Variants in STX17 observed in about 807,000 individuals in gnomAD.
STX17 encodes the protein syntaxin 17, also known as syntaxin-17.
STX17 carries 29 observed loss-of-function variants against 35.9 expected under a neutral mutation model. The ratio of observed to expected loss-of-function variants is 0.81; its 90% CI spans 0.60 to 1.10. The LOEUF is 1.10. Ranked by LOEUF, STX17 falls within the 50% of genes least tolerant of loss-of-function variation. The pLI, the probability that STX17 is intolerant of heterozygous loss-of-function variation, is 0.00. For synonymous variants in STX17, 92 were observed against 118.3 expected (o/e 0.78, Z 1.44); for missense variants, 312 against 352.3 (o/e 0.89, Z 0.92).
At chr9:99,957,850 G>A (rs1361505840) in intron 4 of STX17, among the ~76,000 whole-genome samples, 2 of 151,450 alleles carry the variant, frequency 1.3e-5, no homozygotes, top group Non-Finnish European at 2.9e-5. Flanking sequence ...ATGGGGTTTC[G>A]CCGTGTTGCC....
intron 2 of STX17, among the ~76,000 whole-genome samples, chr9:99,921,626 A>G (rs1828890492): frequency 6.6e-6 from 1 of 150,994 alleles, no homozygotes; most frequent in African/African-American, 2.4e-5. Context: ...ATTATCTAGT[A>G]TGGAATTTTC....
rs1285149066 is a variant in STX17, at chr9:99,959,912, T to C, written c.416-5T>C. On this transcript the variant is annotated splice_polypyrimidine_tract_variant and splice_region_variant and intron_variant, in intron 4 of 7. Coordinates refer to ENST00000259400, the MANE Select transcript of STX17 (RefSeq NM_017919.3). ...TCTAAACATGGGGTTATTATGTTCA[T>C]CCAGGAGCATTTCATACTACTGAAG... 1.2e-6 allele frequency: 2 copies of C among 1,600,724 alleles called. No individual in the cohort carries two copies. Among genetic ancestry groups the C allele is most frequent in the East Asian group, 4.5e-5 (2 of 44,782 alleles).
chr9:99,932,769 CAT>C (rs952290303), intron 3 of STX17, among the ~76,000 whole-genome samples: 1 of 152,072 alleles, frequency 6.6e-6, no homozygotes, highest in African/African-American at 2.4e-5. Flanking sequence ...GAGTTTTACT[CAT>C]ATCTGCTCTG....
chr9:99,920,989 GGTA>G (rs1467978876), intron 2 of STX17, among the ~76,000 whole-genome samples: 2 of 152,088 alleles, frequency 1.3e-5, no homozygotes, highest in Non-Finnish European at 2.9e-5. Context: ...TAACAGTGGA[GGTA>G]GTAGTTGTTT....
At chr9:99,919,475 T>C (rs1018618951) in intron 2 of STX17, among the ~76,000 whole-genome samples, 8 of 152,226 alleles carry the variant, frequency 5.3e-5, no homozygotes, top group African/African-American at 1.9e-4. Context: ...ATTTTAGCTT[T>C]CTTTGGTTTG....
intron 2 of STX17, among the ~76,000 whole-genome samples, chr9:99,916,518 A>G (rs186289435): frequency 1.3e-5 from 2 of 151,614 alleles, no homozygotes; most frequent in Non-Finnish European, 2.9e-5. Flanking sequence ...CAATATAAAC[A>G]TTATTCATTA....
chr9:99,969,264 ATCT>A lies in STX17; in HGVS notation c.*595_*597del, dbSNP rs1408305282. On this transcript the variant is annotated 3_prime_UTR_variant, in exon 8 of 8. Coordinates refer to ENST00000259400, the MANE Select transcript of STX17 (RefSeq NM_017919.3). ...AAGAGGCTCAACTTCTCTTCCAAAA[ATCT>A]TCTGGCTTCTGAACTCTTCCTCTGC... 2.0e-5 allele frequency: 3 copies of A among 152,296 alleles called. No homozygotes were observed. Among genetic ancestry groups the A allele is most frequent in the East Asian group, 1.9e-4 (1 of 5,178 alleles). The allele number at this position is 152,296 out of a possible 1,614,324, so 9.4% of individuals were successfully genotyped here.
At chr9:99,923,119 C>G (rs1002745007) in intron 2 of STX17, among the ~76,000 whole-genome samples, 1 of 151,612 alleles carries the variant, frequency 6.6e-6, no homozygotes, top group South Asian at 2.1e-4. Flanking sequence ...CCTTTCCTCT[C>G]TTTTTTTTCT....
chr9:99,962,130 C>T (rs1289810402), intron 6 of STX17, among the ~76,000 whole-genome samples: 1 of 152,190 alleles, frequency 6.6e-6, no homozygotes, highest in Non-Finnish European at 1.5e-5. Context: ...AATTTCTAGG[C>T]TTCTCAATAC....
In STX17 at chr9:99,926,013, A is replaced by G. The variant is rs995042060; in HGVS notation, c.124-2765A>G. 4.1e-4 allele frequency among the ~76,000 whole-genome samples: 62 copies of G among 150,720 alleles called. 1 individual carries two copies. Among genetic ancestry groups the G allele is most frequent in the African/African-American group, 1.5e-3 (60 of 41,164 alleles). The stretch of plus-strand genomic sequence containing the variant: ...ATTGATCTTGGTTAATTTATTTTCA[A>G]CTTATTTTTCTCTGTGTGTTTCATT... On this transcript the variant is annotated intron_variant, in intron 2 of 7. Coordinates refer to ENST00000259400, the MANE Select transcript of STX17 (RefSeq NM_017919.3).
intron 3 of STX17, among the ~76,000 whole-genome samples, chr9:99,939,542 G>T (rs1829307366): frequency 6.6e-6 from 1 of 152,190 alleles, no homozygotes. Context: ...TTTATTTTAA[G>T]ATACTTTCCA....
Position 99,916,525 on chromosome 9 carries a change from A to G in STX17, c.123+1163A>G, listed in dbSNP as rs146095614. Among the ~76,000 whole-genome samples the G allele has an allele frequency of 2.0e-5, 3 of 151,994 alleles. No individual in the cohort carries two copies. The East Asian group carries it at 5.8e-4, about 29-fold the overall frequency. On this transcript the variant is annotated intron_variant, in intron 2 of 7. Coordinates refer to ENST00000259400, the MANE Select transcript of STX17 (RefSeq NM_017919.3). ...AAGCCTTTCAATATAAACATTATTC[A>G]TTACTCAACTCAGTAGCATATAGAA...
At chr9:99,913,846 C>T (rs1273908374) in intron 1 of STX17, 1 of 152,114 alleles carries the variant, frequency 6.6e-6, no homozygotes, top group Non-Finnish European at 1.5e-5. Context: ...ATAACCAACA[C>T]ATCAAGATTT....
chr9:99,954,299 A>G (rs981701647), intron 4 of STX17, among the ~76,000 whole-genome samples: 8 of 152,038 alleles, frequency 5.3e-5, no homozygotes, highest in African/African-American at 1.4e-4. Flanking sequence ...TTTCAAATTC[A>G]ATAGTCTGCT....
intron 3 of STX17, among the ~76,000 whole-genome samples, chr9:99,946,453 G>A (rs190804311): frequency 4.6e-5 from 7 of 152,082 alleles, no homozygotes; most frequent in African/African-American, 1.2e-4. Context: ...TTCCATGTAT[G>A]CCCTGCAACT....
intron 1 of STX17, among the ~76,000 whole-genome samples, chr9:99,911,010 T>C (rs1016680163): frequency 4.6e-5 from 7 of 152,000 alleles, no homozygotes; most frequent in African/African-American, 1.7e-4. Flanking sequence ...CCATCCATGT[T>C]GTTGTAAATG....
rs1184532037 is a variant in STX17, at chr9:99,973,141, A to G, written c.*4468A>G. 6.6e-6 allele frequency among the ~76,000 whole-genome samples: 1 copy of G among 152,164 alleles called. No individual in the cohort carries two copies. Among genetic ancestry groups the G allele is most frequent in the African/African-American group, 2.4e-5 (1 of 41,448 alleles). On this transcript the variant is annotated 3_prime_UTR_variant, in exon 8 of 8. Transcript: ENST00000259400. ...TATAAACCATCAATGTAAAGGATCC[A>G]CATGGTATGTATCCACATTGCTACT...
At chr9:99,907,315 CAG>C (rs1828571744) in intron 1 of STX17, 1 of 152,154 alleles carries the variant, frequency 6.6e-6, no homozygotes, top group African/African-American at 2.4e-5. Context: ...TTCCATAAGT[CAG>C]AAACATTAAG....
chr9:99,956,052 A>T (rs1412988645), intron 4 of STX17, among the ~76,000 whole-genome samples: 1 of 152,160 alleles, frequency 6.6e-6, no homozygotes, highest in African/African-American at 2.4e-5. Flanking sequence ...GCTTTAATTG[A>T]TAGTCATGAC....
Sources: gnomAD v4.1 joint callset for allele counts (sites outside exome capture counted in the v4.1 genomes callset) on GRCh38, gnomAD v4.1.1 for gene constraint, MANE v1.5 for transcripts, NCBI Gene and HGNC (gene_info 2026-07-23, HGNC 2026-07-21) for gene names.